TGM2: variants seen among roughly 807,000 people sequenced by gnomAD.
TGM2 encodes the protein protein-glutamine gamma-glutamyltransferase 2.
TGM2 carries 53 observed loss-of-function variants against 75.6 expected under a neutral mutation model. The observed-to-expected ratio is 0.70, with a 90% CI of 0.56 to 0.88. TGM2 has a LOEUF of 0.88. Among genes scored for constraint, TGM2 ranks in the 40% least tolerant of loss-of-function variants. The pLI, the probability that TGM2 is intolerant of heterozygous loss-of-function variation, is 0.00. For synonymous variants in TGM2, 374 were observed against 381.1 expected, an observed-to-expected ratio of 0.98 and a Z score of 0.22; for missense variants, 842 against 928.5, an observed-to-expected ratio of 0.91 and a Z score of 1.21.
At chr20:38,144,928 G>T (rs2075026371) in intron 6 of TGM2, among the ~76,000 whole-genome samples, 1 of 152,184 alleles carries the variant, frequency 6.6e-6, no homozygotes, top group African/African-American at 2.4e-5. Flanking sequence ...CAATCTTCAG[G>T]CGGCCACAGC....
intron 10 of TGM2, among the ~76,000 whole-genome samples, chr20:38,136,225 CTG>C (rs2074898746): frequency 6.6e-6 from 1 of 152,206 alleles, no homozygotes; most frequent in Non-Finnish European, 1.5e-5. Context: ...GAGGCAGCAA[CTG>C]TCAACACTGC....
chr20:38,161,550 G>A lies in TGM2; in HGVS notation c.60C>T (p.Asp20=), dbSNP rs745627225. The A allele has an allele frequency of 5.0e-6, 8 of 1,614,056 alleles. No homozygotes were observed. In the African/African-American group the frequency reaches 1.1e-4, roughly 22 times the overall value. ...CDLELETNGR[D]HHTADLCREK... ...CCCGGCACAGGTCGGCCGTGTGGTG[G>A]TCTCGGCCATTGGTCTCCAGCTCCA... is the stretch of plus-strand genomic sequence containing the variant. Residue 20 remains aspartate, a synonymous_variant, in exon 2 of 13, where the codon GAC becomes GAT. Coordinates refer to ENST00000361475, the MANE Select transcript of TGM2 (RefSeq NM_004613.4).
chr20:38,141,461 C>A, intron 7 of TGM2, 76 bp from the exon 8 acceptor site: 1 of 1,108,908 alleles, frequency 9.0e-7, no homozygotes, highest in Non-Finnish European at 1.3e-6. Context: ...GCAGACCATG[C>A]ATTCATGTCC....
At position 38,146,925 on chromosome 20, in the gene TGM2, G is replaced by A. The variant is rs750732979; in HGVS notation, c.682-31C>T. 5 of 1,606,216 alleles carry A rather than the reference G, an allele frequency of 3.1e-6. No individual in the cohort carries two copies. In the East Asian group the frequency reaches 6.7e-5, roughly 22 times the overall value. The stretch of plus-strand genomic sequence containing the variant: ...ACCAGTGGGGCAGCACGGGGACTGA[G>A]CCTGGGATGGGGTGTCGGCTGTGCC... On this transcript the variant is annotated intron_variant, in intron 5 of 12. Coordinates refer to ENST00000361475, the MANE Select transcript of TGM2 (RefSeq NM_004613.4).
chr20:38,138,433 A>T, intron 9 of TGM2, 48 bp from the exon 10 acceptor site: 1 of 1,611,826 alleles, frequency 6.2e-7, no homozygotes, highest in Non-Finnish European at 8.5e-7. Flanking sequence ...AATAGATCAC[A>T]GGAAGGGGGC....
chr20:38,131,306 C>T, intron 11 of TGM2, 77 bp from the exon 12 acceptor site: 2 of 1,600,800 alleles, frequency 1.2e-6, no homozygotes, highest in Admixed American at 1.7e-5. Flanking sequence ...GCAATTTGGC[C>T]CAATATTTGC....
upstream of TGM2, among the ~76,000 whole-genome samples, chr20:38,168,376 A>C (rs80196208): frequency 0.028 from 4,267 of 152,190 alleles, 205 homozygotes; most frequent in African/African-American, 0.097. Flanking sequence ...GTCTTACCTC[A>C]CCGGGGCTGT....
chr20:38,137,386 G>A (rs2074912556), intron 10 of TGM2, among the ~76,000 whole-genome samples: 2 of 152,214 alleles, frequency 1.3e-5, no homozygotes, highest in Admixed American at 1.3e-4. Flanking sequence ...TTGGGAGGCT[G>A]AGATTGCAGT....
chr20:38,165,163 G>A, intron 1 of TGM2, 26 bp downstream of exon 1: 1 of 1,613,444 alleles, frequency 6.2e-7, no homozygotes, highest in Non-Finnish European at 8.5e-7. Flanking sequence ...CCCCTGAGTG[G>A]CGGCTGCGGT....
intron 1 of TGM2, among the ~76,000 whole-genome samples, chr20:38,162,684 GA>G (rs1182638234): frequency 6.6e-6 from 1 of 152,072 alleles, no homozygotes; most frequent in Non-Finnish European, 1.5e-5. Flanking sequence ...TGATATCAAA[GA>G]ATTTTTGTTA....
chr20:38,148,552 G>T (rs1315603663), intron 4 of TGM2, among the ~76,000 whole-genome samples: 1 of 152,138 alleles, frequency 6.6e-6, no homozygotes, highest in African/African-American at 2.4e-5. Flanking sequence ...GCTCTGATGG[G>T]AACTGAGACA....
upstream of TGM2, among the ~76,000 whole-genome samples, chr20:38,167,165 G>A (rs532816984): frequency 1.3e-5 from 2 of 152,196 alleles, no homozygotes; most frequent in East Asian, 1.9e-4. Flanking sequence ...TGGCTATTTC[G>A]GGACCTCAAG....
chr20:38,154,658 C>T (rs1034668453), intron 3 of TGM2, among the ~76,000 whole-genome samples: 2 of 152,184 alleles, frequency 1.3e-5, no homozygotes, highest in African/African-American at 2.4e-5. Flanking sequence ...GTCATCTCCC[C>T]CTTGGGATTG....
intron 3 of TGM2, among the ~76,000 whole-genome samples, chr20:38,153,519 G>A (rs2075140274): frequency 1.6e-5 from 1 of 63,602 alleles, no homozygotes; most frequent in South Asian, 5.4e-4. Flanking sequence ...AGAGAGCCTT[G>A]GTCTCAAAAA....
At chr20:38,148,478 G>A (rs570253651) in intron 4 of TGM2, among the ~76,000 whole-genome samples, 73 of 152,170 alleles carry the variant, frequency 4.8e-4, no homozygotes, top group African/African-American at 1.6e-3. Context: ...TCCCCAAGGC[G>A]TGACCCACCC....
chr20:38,141,096 T>C (rs1395547428), intron 8 of TGM2, among the ~76,000 whole-genome samples, 186 bp downstream of exon 8: 1 of 152,182 alleles, frequency 6.6e-6, no homozygotes, highest in Non-Finnish European at 1.5e-5. Flanking sequence ...GCAATGCACG[T>C]GAATTATTTT....
chr20:38,144,338 G>C (rs1425393030), intron 6 of TGM2, among the ~76,000 whole-genome samples: 1 of 152,198 alleles, frequency 6.6e-6, no homozygotes, highest in Non-Finnish European at 1.5e-5. Context: ...TGGTGATTCA[G>C]AGAGAGGCCG....
rs149057085 is a variant in TGM2, at chr20:38,144,555, A to T, written c.859+2162T>A. Among the ~76,000 whole-genome samples, 184 of 152,314 alleles carry T rather than the reference A, an allele frequency of 1.2e-3. 1 individual carries two copies. Among genetic ancestry groups the T allele is most frequent in the African/African-American group, 4.2e-3 (175 of 41,572 alleles). On this transcript the variant is annotated intron_variant, in intron 6 of 12. Transcript: ENST00000361475. ...CCTGGAAATCCCCAAACCCAAGCCTAACCGGAGCCAGAGACTGTGCTAAGT... is the reference window on the plus strand; with the variant it reads ...CCTGGAAATCCCCAAACCCAAGCCTTACCGGAGCCAGAGACTGTGCTAAGT...
At chr20:38,147,867 CCA>C in intron 5 of TGM2, 92 bp downstream of exon 5, 1 of 1,533,274 alleles carries the variant, frequency 6.5e-7, no homozygotes, top group South Asian at 1.2e-5. Context: ...CCCGGGTCCC[CCA>C]CCGCGCCTAG....
Sources: allele counts gnomAD v4.1 joint callset (sites outside exome capture counted in the v4.1 genomes callset), GRCh38; gene constraint gnomAD v4.1.1; transcripts MANE v1.5; gene names NCBI Gene and HGNC (gene_info 2026-07-23, HGNC 2026-07-21).